Variants in GRB10 observed in about 807,000 individuals in gnomAD.
The protein encoded by GRB10 is growth factor receptor-bound protein 10.
Under a neutral mutation model 80.9 loss-of-function variants are expected in GRB10, and 20 were observed. That is an observed-to-expected ratio of 0.25 (90% confidence interval 0.17 to 0.36). The LOEUF is 0.36. Among genes scored for constraint, GRB10 ranks in the 10% least tolerant of loss-of-function variants. The pLI, the probability that GRB10 is intolerant of heterozygous loss-of-function variation, is 1.00. For missense variants in GRB10, 548 were observed against 747.7 expected, an observed-to-expected ratio of 0.73 and a Z score of 3.12; for synonymous variants, 291 against 291.5, an observed-to-expected ratio of 1.00 and a Z score of 0.02.
At chr7:50,599,252 T>C (rs2047187515) in intron 17 of GRB10, among the ~76,000 whole-genome samples, 1 of 152,198 alleles carries the variant, frequency 6.6e-6, no homozygotes, top group African/African-American at 2.4e-5. Context: ...AAGGCTCTGA[T>C]GTCTCTTTCT....
In GRB10 at chr7:50,791,568, G is replaced by A. The variant is rs77158702; in HGVS notation, c.-294+1656C>T. The stretch of plus-strand genomic sequence containing the variant: ...TTCAGACCTGTAAAATGGGGATCAG[G>A]AGGTTGTAGAGGGGATTAAAAGCAA... On this transcript the variant is annotated intron_variant, in intron 1 of 16. Transcript: ENST00000335866. 8.4e-3 allele frequency among the ~76,000 whole-genome samples: 1,277 copies of A among 152,354 alleles called. 12 individuals are homozygous for A. The highest frequency in any genetic ancestry group is 0.014 in the Non-Finnish European group (959 of 68,030).
intron 4 of GRB10, among the ~76,000 whole-genome samples, chr7:50,710,292 C>T (rs905882633): frequency 6.6e-6 from 1 of 152,072 alleles, no homozygotes; most frequent in African/African-American, 2.4e-5. Flanking sequence ...CTCTGCTTCT[C>T]TGTGAGGATA....
intron 2 of GRB10, among the ~76,000 whole-genome samples, chr7:50,771,807 A>G (rs1428204312): frequency 6.6e-6 from 1 of 152,240 alleles, no homozygotes; most frequent in Non-Finnish European, 1.5e-5. Context: ...CTCAGGATTC[A>G]GCACAATGCT....
At chr7:50,622,788 C>CT (rs201269442) in intron 8 of GRB10, among the ~76,000 whole-genome samples, 11,929 of 144,904 alleles carry the variant, frequency 0.082, 655 homozygotes, top group South Asian at 0.14. Context: ...TTCCTTTTAT[C>CT]TTTTTTTTTT....
intron 5 of GRB10, among the ~76,000 whole-genome samples, chr7:50,695,366 G>A (rs1436787138): frequency 6.6e-6 from 1 of 152,180 alleles, no homozygotes; most frequent in Non-Finnish European, 1.5e-5. Flanking sequence ...TCCTGGATCA[G>A]TAAGTTTTCT....
At chr7:50,669,310 G>C (rs1194287719) in intron 7 of GRB10, among the ~76,000 whole-genome samples, 1 of 152,208 alleles carries the variant, frequency 6.6e-6, no homozygotes, top group East Asian at 1.9e-4. Flanking sequence ...TGAGGACTTA[G>C]GAGCTTACAA....
intron 7 of GRB10, among the ~76,000 whole-genome samples, chr7:50,660,846 G>C (rs2059196730): frequency 1.5e-5 from 2 of 137,392 alleles, no homozygotes; most frequent in Admixed American, 1.5e-4. Flanking sequence ...TCCCGCCAGG[G>C]CCAAGGCCCT....
At chr7:50,765,919 T>C (rs2076298556) in intron 2 of GRB10, among the ~76,000 whole-genome samples, 1 of 152,198 alleles carries the variant, frequency 6.6e-6, no homozygotes, top group Non-Finnish European at 1.5e-5. Flanking sequence ...CATGCATGCA[T>C]TAAATTATCT....
chr7:50,786,552 A>C (rs2078702225), upstream of GRB10, among the ~76,000 whole-genome samples: 1 of 152,236 alleles, frequency 6.6e-6, no homozygotes, highest in Non-Finnish European at 1.5e-5. Flanking sequence ...GAATCAGAAG[A>C]GCTTCTTTCT....
At chr7:50,736,029 G>A (rs1027956506) in intron 3 of GRB10, among the ~76,000 whole-genome samples, 1 of 152,192 alleles carries the variant, frequency 6.6e-6, no homozygotes, top group South Asian at 2.1e-4. Context: ...GCTCACGCCT[G>A]TAAACCTAGC....
chr7:50,761,008 AAG>A (rs2075704845), intron 2 of GRB10, among the ~76,000 whole-genome samples: 1 of 152,242 alleles, frequency 6.6e-6, no homozygotes, highest in African/African-American at 2.4e-5. Context: ...GAAGGAAGTA[AAG>A]GCATGTGAGA....
intron 8 of GRB10, among the ~76,000 whole-genome samples, chr7:50,625,554 C>T (rs915365334): frequency 2.6e-5 from 4 of 152,144 alleles, no homozygotes; most frequent in East Asian, 1.9e-4. Flanking sequence ...TGGAGCTTGA[C>T]GGGACAGCTA....
chr7:50,603,873 C>T (rs1488015587), intron 17 of GRB10, 125 bp downstream of exon 17: 6 of 874,896 alleles, frequency 6.9e-6, no homozygotes, highest in South Asian at 1.3e-5. Context: ...TACCTTTTCT[C>T]CTCTTTAAAA....
intron 4 of GRB10, among the ~76,000 whole-genome samples, chr7:50,730,758 T>C (rs1006653904): frequency 2.0e-5 from 3 of 152,094 alleles, no homozygotes; most frequent in African/African-American, 7.2e-5. Flanking sequence ...CTTCTGTAGG[T>C]ACCAGCAGGA....
rs186106184 is a variant in GRB10 at position 50,659,759 on chromosome 7, T to C, written c.504+9963A>G. 4.8e-3 allele frequency among the ~76,000 whole-genome samples: 738 copies of C among 152,330 alleles called. 5 individuals are homozygous for C. The highest frequency in any genetic ancestry group is 6.5e-3 in the Non-Finnish European group (444 of 68,028). On this transcript the variant is annotated intron_variant, in intron 7 of 18. Transcript: ENST00000401949. ...GGTTAGAACATCCATCCTTCAGTGG[T>C]GGCCACGCCGGAGGGCATAAATGAT... is the stretch of plus-strand genomic sequence containing the variant.
intron 7 of GRB10, among the ~76,000 whole-genome samples, chr7:50,650,318 C>T (rs1175839100): frequency 5.9e-5 from 9 of 152,132 alleles, no homozygotes; most frequent in Non-Finnish European, 1.3e-4. Flanking sequence ...AGAGCGCCAA[C>T]CAAGGTGGGT....
intron 7 of GRB10, among the ~76,000 whole-genome samples, chr7:50,658,311 G>A (rs1371613930): frequency 6.6e-6 from 1 of 152,226 alleles, no homozygotes; most frequent in Non-Finnish European, 1.5e-5. Flanking sequence ...GGCAGAAGCT[G>A]TCAGGTAGGT....
At chr7:50,683,551 A>C (rs1314939850) in intron 5 of GRB10, among the ~76,000 whole-genome samples, 2 of 152,152 alleles carry the variant, frequency 1.3e-5, no homozygotes, top group African/African-American at 4.8e-5. Flanking sequence ...AGCCTGATCA[A>C]CATGGCGAAA....
intron 5 of GRB10, among the ~76,000 whole-genome samples, 196 bp downstream of exon 5, chr7:50,703,625 T>C (rs993375668): frequency 2.0e-5 from 3 of 152,242 alleles, no homozygotes; most frequent in South Asian, 2.1e-4. Context: ...AGTTTGCTAA[T>C]TGAAAGGAAA....
Sources: allele counts gnomAD v4.1 joint callset (sites outside exome capture counted in the v4.1 genomes callset), GRCh38; gene constraint gnomAD v4.1.1; transcripts MANE v1.5; gene names NCBI Gene and HGNC (gene_info 2026-07-23, HGNC 2026-07-21).